FECH: variants seen among roughly 807,000 people sequenced by gnomAD.
FECH encodes the protein ferrochelatase.
FECH carries 40 observed loss-of-function variants against 56.9 expected under a neutral mutation model. That is an observed-to-expected ratio of 0.70 (90% CI 0.55 to 0.92). The LOEUF is 0.92. Among genes scored for constraint, FECH ranks in the 40% least tolerant of loss-of-function variants. The probability of loss-of-function intolerance (pLI) is 0.00; values close to 1 mark genes in which losing one functional copy is unlikely to be tolerated. For missense variants in FECH, 431 were observed against 529.1 expected (o/e 0.81, Z 1.82); for synonymous variants, 175 against 198.6 (o/e 0.88, Z 1.00).
chr18:57,571,510 T>C lies in FECH; in HGVS notation c.345A>G (p.Arg115=). ...GGTACTGCTCTTGAATCTTGGGGGT[T>C]CGGCGTTTGGCGATGAATGGTGCCA... ...NKLAPFIAKR[R]TPKIQEQYRR... is the part of the protein sequence containing the mutation. The change falls in exon 4 of 11, where the codon CGA becomes CGG. Residue 115 remains arginine, a synonymous_variant. Coordinates refer to ENST00000262093, the MANE Select transcript of FECH (RefSeq NM_000140.5). 6.2e-7 allele frequency: 1 copy of C among 1,614,024 alleles called. No individual in the cohort carries two copies.
In FECH at chr18:57,547,999, C is replaced by G. The variant is rs2050741534; in HGVS notation, c.*2713G>C. On this transcript the variant is annotated 3_prime_UTR_variant, in exon 11 of 11. Transcript: ENST00000262093. ...GGTGCAGAGGCTCATCCTTGTAATC[C>G]CAGCACTTTGGGAGACTGAGGCAGG... Among the ~76,000 whole-genome samples the G allele has an allele frequency of 6.6e-6, 1 of 151,988 alleles. No homozygotes were observed. The highest frequency in any genetic ancestry group is 6.5e-5 in the Admixed American group (1 of 15,272).
chr18:57,547,068 C>T lies in FECH; in HGVS notation c.*3644G>A, dbSNP rs2050730200. ...GCCCCTGTGTTTTGGCCAATTTCTCCCATTTGGAATGGGAACATTTACCAA... is the reference window on the plus strand; with the variant it reads ...GCCCCTGTGTTTTGGCCAATTTCTCTCATTTGGAATGGGAACATTTACCAA... On this transcript the variant is annotated 3_prime_UTR_variant, in exon 11 of 11. Coordinates refer to ENST00000262093, the MANE Select transcript of FECH (RefSeq NM_000140.5). 6.6e-6 allele frequency among the ~76,000 whole-genome samples: 1 copy of T among 152,016 alleles called. No individual in the cohort carries two copies.
chr18:57,551,539 G>A (rs2050798513), intron 9 of FECH, among the ~76,000 whole-genome samples, 165 bp from the exon 10 acceptor site: 1 of 152,078 alleles, frequency 6.6e-6, no homozygotes, highest in African/African-American at 2.4e-5. Flanking sequence ...ATACTCATGG[G>A]GCAGGGCTGT....
rs192663717 is a variant in FECH, at chr18:57,585,469, A to G, written c.67+1085T>C. ...GGAAAGGTCAGTGAAAGAAAAGATT[A>G]GTTCAATACTTCTTTCAGCCCCACG... On this transcript the variant is annotated intron_variant, in intron 1 of 10. Transcript: ENST00000262093. 3.3e-5 allele frequency among the ~76,000 whole-genome samples: 5 copies of G among 152,368 alleles called. No homozygotes were observed. The East Asian group carries it at 7.7e-4, about 24-fold the overall frequency.
intron 8 of FECH, 29 bp from the exon 9 acceptor site, chr18:57,554,453 T>A: frequency 6.2e-7 from 1 of 1,613,726 alleles, no homozygotes; most frequent in East Asian, 2.2e-5. Context: ...AATGCGTAAG[T>A]GGACTATGCC....
chr18:57,553,276 C>T (rs1040480581), intron 9 of FECH, among the ~76,000 whole-genome samples: 1 of 151,762 alleles, frequency 6.6e-6, no homozygotes, highest in Non-Finnish European at 1.5e-5. Flanking sequence ...GTCAGAACCA[C>T]TGACAAGAAA....
chr18:57,563,860 G>A (rs1334254206), intron 5 of FECH, among the ~76,000 whole-genome samples: 1 of 151,996 alleles, frequency 6.6e-6, no homozygotes, highest in Admixed American at 6.6e-5. Flanking sequence ...TATTTTCCAT[G>A]TTATGATAAA....
chr18:57,563,712 T>G (rs1004343608), intron 5 of FECH, among the ~76,000 whole-genome samples: 1 of 151,982 alleles, frequency 6.6e-6, no homozygotes, highest in African/African-American at 2.4e-5. Flanking sequence ...AGCATGCTAA[T>G]TACAGTCATT....
At chr18:57,554,761 A>C (rs924777741) in intron 8 of FECH, 84 bp downstream of exon 8, 4 of 1,155,584 alleles carry the variant, frequency 3.5e-6, no homozygotes, top group Non-Finnish European at 3.9e-6. Context: ...ACCATGTGTA[A>C]GAGCCAAATC....
At chr18:57,551,832 A>G (rs1032895412) in intron 9 of FECH, among the ~76,000 whole-genome samples, 8 of 151,858 alleles carry the variant, frequency 5.3e-5, no homozygotes, top group Admixed American at 3.3e-4. Flanking sequence ...TAAAATATGT[A>G]TTGGACCTAC....
At chr18:57,585,588 T>A (rs1037654579) in intron 1 of FECH, among the ~76,000 whole-genome samples, 2 of 152,196 alleles carry the variant, frequency 1.3e-5, no homozygotes, top group African/African-American at 4.8e-5. Context: ...GTCCTTAGTA[T>A]TTTCCTAACA....
Position 57,586,677 on chromosome 18 carries a change from TCC to T in FECH, c.-59_-58del. The T allele has an allele frequency of 6.8e-7, 1 of 1,461,188 alleles. No homozygotes were observed. Among genetic ancestry groups the T allele is most frequent in the South Asian group, 1.3e-5 (1 of 78,458 alleles). The allele number at this position is 1,461,188 out of a possible 1,614,324, so 90.5% of individuals were successfully genotyped here. On this transcript the variant is annotated 5_prime_UTR_variant, in exon 1 of 11. Transcript: ENST00000262093. ...CCTCCCGCGGCGGCGCGCCCAGGTG[TCC>T]GCCCAGCAGTGGCCGAGCCGGGTAG...
At position 57,550,205 on chromosome 18, in the gene FECH, C is replaced by G; in HGVS notation, c.*507G>C. 1 of 153,118 alleles carries G rather than the reference C, an allele frequency of 6.5e-6. No homozygotes were observed. The highest frequency in any genetic ancestry group is 1.5e-5 in the Non-Finnish European group (1 of 68,636). The allele number at this position is 153,118 out of a possible 1,614,324, so 9.5% of individuals were successfully genotyped here. On this transcript the variant is annotated 3_prime_UTR_variant, in exon 11 of 11. Transcript: ENST00000262093. ...GCCATTGCAGGTAACCAAATTGCCTCCCTAGCATTCTGTAACCCATGGGCT... is the reference window on the plus strand; with the variant it reads ...GCCATTGCAGGTAACCAAATTGCCTGCCTAGCATTCTGTAACCCATGGGCT...
At position 57,547,390 on chromosome 18, in the gene FECH, C is replaced by T. The variant is rs1435420422; in HGVS notation, c.*3322G>A. On this transcript the variant is annotated 3_prime_UTR_variant, in exon 11 of 11. Transcript: ENST00000262093. Reference sequence around the variant, plus strand: ...AATCCCCACGTGTTGAGGGAGGGACCTGGTGGAAGGAGATTGGAACATGGA... The same window carrying T: ...AATCCCCACGTGTTGAGGGAGGGACTTGGTGGAAGGAGATTGGAACATGGA... Among the ~76,000 whole-genome samples the T allele has an allele frequency of 1.3e-5, 2 of 152,142 alleles. No homozygotes were observed. The highest frequency in any genetic ancestry group is 2.9e-5 in the Non-Finnish European group (2 of 68,032).
chr18:57,579,027 C>T (rs1258956312), intron 2 of FECH, among the ~76,000 whole-genome samples: 1 of 151,704 alleles, frequency 6.6e-6, no homozygotes. Context: ...GCGGGCGGAT[C>T]ACTTGAAGTC....
intron 4 of FECH, among the ~76,000 whole-genome samples, chr18:57,567,635 G>A (rs182795087): frequency 7.2e-5 from 11 of 152,338 alleles, no homozygotes; most frequent in Non-Finnish European, 1.3e-4. Context: ...ATTAGCAGGG[G>A]CTGCAACTAT....
chr18:57,557,411 G>A (rs1256009735), intron 7 of FECH, among the ~76,000 whole-genome samples: 2 of 152,208 alleles, frequency 1.3e-5, no homozygotes, highest in Non-Finnish European at 2.9e-5. Context: ...CGCTCCAGCA[G>A]CCAAACCTGG....
chr18:57,585,671 C>G (rs78920731), intron 1 of FECH, among the ~76,000 whole-genome samples: 5 of 152,230 alleles, frequency 3.3e-5, no homozygotes, highest in East Asian at 1.9e-4. Context: ...GACTGACGAA[C>G]GTCTTAGAAA....
intron 7 of FECH, among the ~76,000 whole-genome samples, chr18:57,558,487 G>A (rs933726297): frequency 2.6e-5 from 4 of 152,192 alleles, no homozygotes; most frequent in Admixed American, 1.3e-4. Flanking sequence ...GATTGAGAGC[G>A]CTTGTCTGAA....
Sources: allele counts gnomAD v4.1 joint callset (sites outside exome capture counted in the v4.1 genomes callset), GRCh38; gene constraint gnomAD v4.1.1; transcripts MANE v1.5; gene names NCBI Gene and HGNC (gene_info 2026-07-23, HGNC 2026-07-21).